The following RNF14 variants were observed in gnomAD, a reference collection of about 807,000 sequenced individuals.
The protein encoded by RNF14 is ring finger protein 14, also known as E3 ubiquitin-protein ligase RNF14.
A neutral mutation model predicts 52.6 loss-of-function variants in RNF14; 26 were observed. The ratio of observed to expected loss-of-function variants is 0.49; its 90% CI spans 0.36 to 0.69. The LOEUF is 0.69. RNF14 is among the 30% of genes least tolerant of loss of function. The pLI, the probability that RNF14 is intolerant of heterozygous loss-of-function variation, is 0.00. For missense variants in RNF14, 404 were observed against 560.4 expected, an observed-to-expected ratio of 0.72 and a Z score of 2.82; for synonymous variants, 194 against 202.0, an observed-to-expected ratio of 0.96 and a Z score of 0.34.
chr5:141,979,133 T>G (rs543402405), intron 5 of RNF14, among the ~76,000 whole-genome samples: 1 of 152,360 alleles, frequency 6.6e-6, no homozygotes, highest in East Asian at 1.9e-4. Context: ...CACTAGCTTA[T>G]TCTTGTGTGA....
chr5:141,980,418 G>C lies in RNF14; in HGVS notation c.1063+67G>C, dbSNP rs151303211. ...TCCCTCACATTTCACTCTACTACCA[G>C]GGCCTTATGACTTCATTCTTCAATT... On this transcript the variant is annotated intron_variant, in intron 6 of 8. Transcript: ENST00000394520. The C allele has an allele frequency of 7.4e-4, 862 of 1,167,882 alleles. 2 individuals are homozygous for C. In the African/African-American group the frequency reaches 0.011, roughly 15 times the overall value. The allele number at this position is 1,167,882 out of a possible 1,614,324, so 72.3% of individuals were successfully genotyped here.
At chr5:141,970,954 A>G (rs1158578284) in intron 2 of RNF14, 77 bp downstream of exon 2, 2 of 152,320 alleles carry the variant, frequency 1.3e-5, no homozygotes, top group African/African-American at 2.4e-5. Flanking sequence ...ATGAACTAAC[A>G]TCTCCTAGAA....
intron 7 of RNF14, 51 bp downstream of exon 7, chr5:141,983,603 T>C: frequency 7.8e-7 from 1 of 1,275,706 alleles, no homozygotes; most frequent in South Asian, 1.4e-5. Context: ...AAGGATGTTA[T>C]GATTACCTTA....
chr5:141,975,075 T>C lies in RNF14; in HGVS notation c.306+120T>C. 2 of 1,103,902 alleles carry C rather than the reference T, an allele frequency of 1.8e-6. 1 individual carries two copies. Among genetic ancestry groups the C allele is most frequent in the South Asian group, 2.8e-5 (2 of 70,374 alleles). The allele number at this position is 1,103,902 out of a possible 1,614,324, so 68.4% of individuals were successfully genotyped here. A position where few individuals can be genotyped will look rare whatever the true frequency, so the allele number is the denominator to read the frequency against. The stretch of plus-strand genomic sequence containing the variant: ...TGAAAAACAAATGGCTTTGGTTTTG[T>C]AATTTTTTTCCCTTGCCTTGGTGAA... On this transcript the variant is annotated intron_variant, in intron 4 of 8. Transcript: ENST00000394520.
intron 1 of RNF14, chr5:141,969,653 A>C (rs1312014519): frequency 6.6e-6 from 1 of 152,302 alleles, no homozygotes; most frequent in Non-Finnish European, 1.5e-5. Context: ...ACAAGCTGAA[A>C]TCTTGTAGGG....
Position 141,988,492 on chromosome 5 carries a change from A to G in RNF14, c.*702A>G, listed in dbSNP as rs1043002869. 1.3e-5 allele frequency: 2 copies of G among 152,338 alleles called. No homozygotes were observed. The highest frequency in any genetic ancestry group is 2.9e-5 in the Non-Finnish European group (2 of 68,048). 9.4% of individuals were successfully genotyped at this position (152,338 alleles called of 1,614,324 possible). On this transcript the variant is annotated 3_prime_UTR_variant, in exon 9 of 9. Coordinates refer to ENST00000394520, the MANE Select transcript of RNF14 (RefSeq NM_004290.5). ...TTCAGGCCAAATCTAGAATTTAGTG[A>G]TACTGGCTCAGAAGAATTTAAGTTC...
chr5:141,970,453 C>G (rs1412562361), intron 1 of RNF14, among the ~76,000 whole-genome samples: 1 of 152,134 alleles, frequency 6.6e-6, no homozygotes, highest in African/African-American at 2.4e-5. Context: ...TTCATATGAC[C>G]TTGGTGTTCC....
Position 141,978,709 on chromosome 5 carries a change from G to A in RNF14, c.713G>A (p.Cys238Tyr), listed in dbSNP as rs757299804. The A allele has an allele frequency of 9.3e-6, 15 of 1,613,996 alleles. No homozygotes were observed. The highest frequency in any genetic ancestry group is 1.3e-5 in the Non-Finnish European group (15 of 1,179,848). ...AGTGAATGCATGTACTTCTTGGAGT[G>A]CAGGCATGTGTACTGCAAAGCCTGT... ...LGSECMYFLE[C>Y]RHVYCKACLK... The change falls in exon 5 of 9, where the codon TGC (cysteine) becomes TAC (tyrosine). Residue 238 changes from cysteine to tyrosine, a missense_variant. Cys to Tyr is a radical substitution (Grantham distance 194, BLOSUM62 -2). Transcript: ENST00000394520.
intron 8 of RNF14, among the ~76,000 whole-genome samples, chr5:141,986,968 G>A (rs960118820): frequency 5.3e-5 from 8 of 152,336 alleles, no homozygotes; most frequent in Admixed American, 1.3e-4. Flanking sequence ...CAGAGAACAC[G>A]AAAACCTCAG....
chr5:141,972,601 GT>G (rs575577512), intron 2 of RNF14, among the ~76,000 whole-genome samples: 22 of 151,256 alleles, frequency 1.5e-4, no homozygotes, highest in Non-Finnish European at 2.5e-4. Flanking sequence ...TTACTTTTTT[GT>G]TTTTTTGAGA....
At chr5:141,955,008 G>C, upstream of RNF14, 1 of 1,614,054 alleles carries the variant, frequency 6.2e-7, no homozygotes. The surrounding 1 kb of genome is among the most constrained non-coding windows in gnomAD (Gnocchi z 5.5). Flanking sequence ...GCTCCTCCAC[G>C]GGGTTCCGCT....
chr5:141,974,506 A>G (rs1175193904), intron 3 of RNF14, among the ~76,000 whole-genome samples: 2 of 152,238 alleles, frequency 1.3e-5, no homozygotes, highest in Non-Finnish European at 2.9e-5. Context: ...ACCACAACAA[A>G]ACAAACATTG....
At chr5:141,964,095 A>G (rs1298730314), upstream of RNF14, among the ~76,000 whole-genome samples, 1 of 152,228 alleles carries the variant, frequency 6.6e-6, no homozygotes, top group Non-Finnish European at 1.5e-5. Context: ...ATCAAATTTT[A>G]GCTTGCATCA....
At position 141,988,465 on chromosome 5, in the gene RNF14, G is replaced by A. The variant is rs1755421806; in HGVS notation, c.*675G>A. 6.6e-6 allele frequency: 1 copy of A among 152,304 alleles called. No homozygotes were observed. The highest frequency in any genetic ancestry group is 1.5e-5 in the Non-Finnish European group (1 of 68,038). The allele number at this position is 152,304 out of a possible 1,614,324, so 9.4% of individuals were successfully genotyped here. A position where few individuals can be genotyped will look rare whatever the true frequency, so the allele number is the denominator to read the frequency against. ...TATTAGTGGTGTATATGGTCCACTG[G>A]TTTCAGGCCAAATCTAGAATTTAGT... On this transcript the variant is annotated 3_prime_UTR_variant, in exon 9 of 9. Coordinates refer to ENST00000394520, the MANE Select transcript of RNF14 (RefSeq NM_004290.5).
At chr5:141,957,948 G>A (rs1753215910), upstream of RNF14, 2 of 1,407,128 alleles carry the variant, frequency 1.4e-6, no homozygotes, top group Non-Finnish European at 1.9e-6. This position sits in a 1 kb window ranked among gnomAD's most constrained non-coding sequence, Gnocchi z 4.3. Context: ...TCAGCCCCGT[G>A]CTCCTTCCCC....
chr5:141,952,727 G>C, the RNF14 span: 1 of 152,166 alleles, frequency 6.6e-6, no homozygotes. Context: ...TCTCTAATAG[G>C]GGGCTAGAAA....
rs1755460930 is a variant in RNF14 at position 141,989,132 on chromosome 5, A to G, written c.*1342A>G. The G allele has an allele frequency of 6.6e-6, 1 of 152,304 alleles. No individual in the cohort carries two copies. Among genetic ancestry groups the G allele is most frequent in the East Asian group, 1.9e-4 (1 of 5,308 alleles). 9.4% of individuals were successfully genotyped at this position (152,304 alleles called of 1,614,324 possible). On this transcript the variant is annotated 3_prime_UTR_variant, in exon 9 of 9. Transcript: ENST00000394520. The stretch of plus-strand genomic sequence containing the variant: ...GCAAGGATTATGTTTTTGGATTGTC[A>G]AAGAGGATGCTTAGTCTTAAAATAA...
upstream of RNF14, chr5:141,956,572 G>A: frequency 6.2e-7 from 1 of 1,614,168 alleles, no homozygotes; most frequent in Non-Finnish European, 8.5e-7. Flanking sequence ...CAGAGTGAGG[G>A]TATATTTGGG....
chr5:141,966,196 G>A (rs1393687687), upstream of RNF14, among the ~76,000 whole-genome samples: 2 of 151,982 alleles, frequency 1.3e-5, no homozygotes, highest in African/African-American at 2.4e-5. Flanking sequence ...CACGAGAATC[G>A]CTTGAACCCT....
Sources: gnomAD v4.1 joint callset for allele counts (sites outside exome capture counted in the v4.1 genomes callset) on GRCh38, gnomAD v4.1.1 for gene constraint, Gnocchi (gnomAD v3.1) non-coding constraint, MANE v1.5 for transcripts, NCBI Gene and HGNC (gene_info 2026-07-23, HGNC 2026-07-21) for gene names.